Variants in PHF24 observed in about 807,000 individuals in gnomAD.
The protein encoded by PHF24 is Galpha inhibitory interacting protein.
A neutral mutation model predicts 42.6 loss-of-function variants in PHF24; 25 were observed. The observed-to-expected ratio is 0.59, with a 90% CI of 0.43 to 0.82. The LOEUF (loss-of-function observed/expected upper bound fraction) is 0.82, where lower values mean the gene tolerates loss of function less well. Among genes scored for constraint, PHF24 ranks in the 40% least tolerant of loss-of-function variants. The pLI, the probability that PHF24 is intolerant of heterozygous loss-of-function variation, is 0.00. For missense variants in PHF24, 470 were observed against 538.1 expected, an observed-to-expected ratio of 0.87 and a Z score of 1.25; for synonymous variants, 185 against 204.8, an observed-to-expected ratio of 0.90 and a Z score of 0.83.
the PHF24 span, among the ~76,000 whole-genome samples, chr9:34,867,029 A>T: frequency 1.3e-5 from 2 of 152,326 alleles, no homozygotes; most frequent in South Asian, 2.1e-4. Flanking sequence ...TATAATATTT[A>T]CTGAAAGCTC....
the PHF24 span, among the ~76,000 whole-genome samples, chr9:34,754,303 A>G: frequency 6.6e-6 from 1 of 152,166 alleles, no homozygotes. Context: ...AGAGCTCTGG[A>G]ATATATTAGG....
chr9:34,709,836 C>T, the PHF24 span: 44 of 1,614,106 alleles, frequency 2.7e-5, no homozygotes, highest in East Asian at 9.1e-4. Context: ...TGCGGACAAC[C>T]TTGGCGGGAA....
chr9:34,795,230 CAAGA>C, the PHF24 span, among the ~76,000 whole-genome samples: 201 of 150,338 alleles, frequency 1.3e-3, no homozygotes, highest in African/African-American at 4.7e-3. Flanking sequence ...GGCAACAGAG[CAAGA>C]CCCTGTCTTT....
At chr9:34,935,601 A>AAAG in the PHF24 span, among the ~76,000 whole-genome samples, 1 of 151,324 alleles carries the variant, frequency 6.6e-6, no homozygotes, top group African/African-American at 2.4e-5. Context: ...CTGAAAAAAA[A>AAAG]AAAAAAAGAG....
the PHF24 span, among the ~76,000 whole-genome samples, chr9:34,678,714 T>C: frequency 6.6e-6 from 1 of 151,990 alleles, no homozygotes; most frequent in African/African-American, 2.4e-5. Flanking sequence ...CACTGCAACC[T>C]CCACCTCCCG....
At chr9:34,937,762 C>T in the PHF24 span, among the ~76,000 whole-genome samples, 3 of 152,108 alleles carry the variant, frequency 2.0e-5, no homozygotes, top group Non-Finnish European at 4.4e-5. Flanking sequence ...AAGGGAAGAA[C>T]CTGGCTAGCC....
chr9:34,761,231 A>T, the PHF24 span, among the ~76,000 whole-genome samples: 1 of 152,006 alleles, frequency 6.6e-6, no homozygotes, highest in African/African-American at 2.4e-5. Flanking sequence ...TTTGTTATTT[A>T]ATGTTGTTCT....
the PHF24 span, among the ~76,000 whole-genome samples, chr9:34,948,636 C>T: frequency 6.6e-6 from 1 of 152,154 alleles, no homozygotes; most frequent in African/African-American, 2.4e-5. Context: ...GACACATAGC[C>T]TAGGTGTGTA....
At chr9:34,667,748 C>T in the PHF24 span, among the ~76,000 whole-genome samples, 1 of 152,180 alleles carries the variant, frequency 6.6e-6, no homozygotes, top group Non-Finnish European at 1.5e-5. Context: ...GCAATCCATC[C>T]AGGGCTGGTC....
the PHF24 span, among the ~76,000 whole-genome samples, chr9:34,721,331 T>C: frequency 6.6e-6 from 1 of 152,196 alleles, no homozygotes; most frequent in Non-Finnish European, 1.5e-5. Context: ...CATTTCTGTA[T>C]CTTTATTTGA....
chr9:34,820,241 C>T, the PHF24 span, among the ~76,000 whole-genome samples: 2 of 151,190 alleles, frequency 1.3e-5, no homozygotes, highest in Admixed American at 6.6e-5. Context: ...TAAAAAAACT[C>T]TTATTTTAGG....
At chr9:34,828,930 T>TATCTATATCTATATCTAG in the PHF24 span, among the ~76,000 whole-genome samples, 1 of 151,944 alleles carries the variant, frequency 6.6e-6, no homozygotes, top group African/African-American at 2.4e-5. Flanking sequence ...TCTATATCTA[T>TATCTATATCTATATCTAG]ATCTATATCT....
chr9:34,915,827 G>A, the PHF24 span, among the ~76,000 whole-genome samples: 6 of 152,192 alleles, frequency 3.9e-5, no homozygotes, highest in Admixed American at 1.3e-4. Context: ...TCTGTGTCCC[G>A]ACCCAAATCT....
chr9:34,694,159 CTTTTTTTTTTTTTTTT>C, the PHF24 span, among the ~76,000 whole-genome samples: 2 of 66,124 alleles, frequency 3.0e-5, no homozygotes, highest in South Asian at 1.4e-3. Flanking sequence ...TATCTCTATT[CTTTTTTTTTTTTTTTT>C]TTTTTTTTTT....
chr9:34,821,898 C>G, the PHF24 span, among the ~76,000 whole-genome samples: 1 of 152,070 alleles, frequency 6.6e-6, no homozygotes, highest in African/African-American at 2.4e-5. Flanking sequence ...TCAATAAGGC[C>G]AAATCCCTTC....
the PHF24 span, among the ~76,000 whole-genome samples, chr9:34,781,131 C>T: frequency 6.6e-6 from 1 of 152,060 alleles, no homozygotes; most frequent in East Asian, 1.9e-4. Context: ...AGGTAAATAC[C>T]CAAACTAACC....
chr9:34,831,770 C>G, the PHF24 span, among the ~76,000 whole-genome samples: 45 of 152,212 alleles, frequency 3.0e-4, no homozygotes, highest in East Asian at 8.1e-3. Flanking sequence ...CATCTCATTC[C>G]AGGAGGCTTT....
chr9:34,907,432 T>C, the PHF24 span, among the ~76,000 whole-genome samples: 1 of 152,218 alleles, frequency 6.6e-6, no homozygotes, highest in Non-Finnish European at 1.5e-5. Flanking sequence ...TTGTATGCCT[T>C]TTCACCTATT....
intron 1 of PHF24, among the ~76,000 whole-genome samples, chr9:34,960,588 T>C (rs1284747263): frequency 1.3e-5 from 2 of 152,210 alleles, no homozygotes; most frequent in Admixed American, 6.5e-5. Context: ...CCTGAAGATA[T>C]GATCTTTGTT....
Sources: allele counts gnomAD v4.1 joint callset (sites outside exome capture counted in the v4.1 genomes callset), GRCh38; gene constraint gnomAD v4.1.1; transcripts MANE v1.5; gene names NCBI Gene and HGNC (gene_info 2026-07-23, HGNC 2026-07-21).